The following NEBL variants were observed in gnomAD, a reference collection of about 807,000 sequenced individuals.
The protein encoded by NEBL is nebulette.
NEBL carries 122 observed loss-of-function variants against 140.2 expected under a neutral mutation model. The observed-to-expected ratio is 0.87, with a 90% CI of 0.75 to 1.01. The LOEUF is 1.01. NEBL is among the 50% of genes least tolerant of loss of function. The pLI is 0.00. For synonymous variants in NEBL, 436 were observed against 398.9 expected (o/e 1.09, Z -1.11); for missense variants, 1,365 against 1,231.3 (o/e 1.11, Z -1.62).
At chr10:21,277,842 C>T (rs948990837) in intron 1 of NEBL, among the ~76,000 whole-genome samples, 1 of 151,978 alleles carries the variant, frequency 6.6e-6, no homozygotes, top group Non-Finnish European at 1.5e-5. Context: ...TTTTAAGAGA[C>T]AAGGTGTCTT....
intron 3 of NEBL, among the ~76,000 whole-genome samples, chr10:21,018,917 A>T (rs1460395375): frequency 6.6e-6 from 1 of 152,150 alleles, no homozygotes; most frequent in African/African-American, 2.4e-5. Flanking sequence ...AATCCCAGCT[A>T]TTGGGGAGGC....
At chr10:21,052,157 C>T (rs901685835) in intron 2 of NEBL, among the ~76,000 whole-genome samples, 2 of 152,102 alleles carry the variant, frequency 1.3e-5, no homozygotes, top group African/African-American at 4.8e-5. Flanking sequence ...AGTGTTTGCG[C>T]TTTTTCCTTC....
At chr10:21,077,231 T>A (rs1236615512) in intron 2 of NEBL, among the ~76,000 whole-genome samples, 3 of 151,312 alleles carry the variant, frequency 2.0e-5, no homozygotes, top group East Asian at 3.9e-4. Flanking sequence ...TCAAAAAAAA[T>A]AAAAAATCAA....
At chr10:21,139,131 AC>A (rs559276097) in intron 2 of NEBL, among the ~76,000 whole-genome samples, 25 of 152,288 alleles carry the variant, frequency 1.6e-4, no homozygotes, top group Admixed American at 1.4e-3. Context: ...GTTAAGAGTC[AC>A]GGCTGGCCTA....
At chr10:21,124,654 A>G (rs1317385695) in intron 2 of NEBL, among the ~76,000 whole-genome samples, 1 of 152,246 alleles carries the variant, frequency 6.6e-6, no homozygotes, top group Non-Finnish European at 1.5e-5. Context: ...TAAATAGTCC[A>G]AAAGAAATAA....
At chr10:21,138,208 C>A (rs992205938) in intron 2 of NEBL, among the ~76,000 whole-genome samples, 3 of 152,154 alleles carry the variant, frequency 2.0e-5, no homozygotes, top group Admixed American at 1.3e-4. Context: ...ACTGTCCCAA[C>A]TCACCGTAAA....
intron 4 of NEBL, among the ~76,000 whole-genome samples, chr10:20,924,250 C>G (rs752239324): frequency 6.6e-6 from 1 of 151,598 alleles, no homozygotes; most frequent in Non-Finnish European, 1.5e-5. Context: ...ATACACAGCC[C>G]AAGATGTCAA....
chr10:21,126,114 C>T (rs1271335109), intron 2 of NEBL: 1 of 1,609,888 alleles, frequency 6.2e-7, no homozygotes, highest in Non-Finnish European at 8.5e-7. Flanking sequence ...TCCGTTCTGC[C>T]TTACCAGGCC....
chr10:21,113,310 G>T, intron 2 of NEBL: 1 of 169,230 alleles, frequency 5.9e-6, no homozygotes, highest in Non-Finnish European at 9.7e-6. Context: ...AAAAAAACCA[G>T]GAAAAAACTC....
In NEBL at chr10:21,128,196, A is replaced by G. The variant is rs987050764; in HGVS notation, c.164+44187T>C. On this transcript the variant is annotated intron_variant, in intron 2 of 6. Coordinates refer to the NEBL transcript ENST00000417816. Reference sequence around the variant, plus strand: ...TTAAAAAAGAGCAACACCAACCATCACTTGTTTTCTCTCTTCCCTCCATTA... The same window carrying G: ...TTAAAAAAGAGCAACACCAACCATCGCTTGTTTTCTCTCTTCCCTCCATTA... 9.2e-5 allele frequency among the ~76,000 whole-genome samples: 14 copies of G among 152,262 alleles called. No homozygotes were observed. The East Asian group carries it at 2.1e-3, about 23-fold the overall frequency.
chr10:20,858,467 C>A (rs773420168), intron 8 of NEBL, 123 bp from the exon 9 acceptor site: 1 of 807,386 alleles, frequency 1.2e-6, no homozygotes, highest in Admixed American at 2.0e-5. Flanking sequence ...GACGAATTTA[C>A]AAGGAGCCAC....
At chr10:20,887,747 C>A (rs1846656379) in intron 4 of NEBL, among the ~76,000 whole-genome samples, 1 of 152,104 alleles carries the variant, frequency 6.6e-6, no homozygotes, top group South Asian at 2.1e-4. Context: ...TTTTAACAAG[C>A]TATTCAAATA....
chr10:20,974,461 T>G (rs929456886), intron 3 of NEBL, among the ~76,000 whole-genome samples: 41 of 152,096 alleles, frequency 2.7e-4, no homozygotes, highest in African/African-American at 9.6e-4. Flanking sequence ...GCCATGCTGC[T>G]TCTCGAACTC....
Position 20,819,482 on chromosome 10 carries a change from G to A in NEBL, c.1997C>T (p.Pro666Leu), listed in dbSNP as rs771905060. ...QYKEQNYKAT[P>L]VSMTPEIERV... ...CTCTATCTCCGGGGTCATGCTTACC[G>A]GAGTGGCCTTGTAGTTTTGCTCTTT... Residue 666 changes from proline (P) to leucine (L), a missense_variant, in exon 20 of 28, where the codon CCG (proline) becomes CTG (leucine). Pro to Leu is a moderately conservative substitution (Grantham distance 98, BLOSUM62 -3). Around this residue, in one of 2 missense-constraint regions of NEBL, gnomAD observed 1,323 missense variants for 1,154.8 expected, o/e 1.15. Coordinates refer to ENST00000377122, the MANE Select transcript of NEBL (RefSeq NM_006393.3). 4.1e-5 allele frequency: 66 copies of A among 1,613,924 alleles called. No individual in the cohort carries two copies. The highest frequency in any genetic ancestry group is 1.6e-4 in the Middle Eastern group (1 of 6,084).
upstream of NEBL, chr10:20,899,275 A>G: frequency 2.0e-6 from 1 of 503,202 alleles, no homozygotes. Flanking sequence ...GAGTGTAGGG[A>G]GAAAATCTTG....
chr10:20,941,851 G>C (rs1022994741), intron 4 of NEBL, among the ~76,000 whole-genome samples: 3 of 151,894 alleles, frequency 2.0e-5, no homozygotes, highest in Non-Finnish European at 4.4e-5. Context: ...GCTTCAAAGA[G>C]AATAAAATAC....
At chr10:20,929,264 T>TAC (rs1486763493) in intron 4 of NEBL, among the ~76,000 whole-genome samples, 2 of 151,606 alleles carry the variant, frequency 1.3e-5, no homozygotes, top group Admixed American at 1.3e-4. Flanking sequence ...GATATAAATA[T>TAC]ATATATATAT....
rs147363334 is a variant in NEBL, at chr10:20,855,883, T to A, written c.903+2357A>T. Among the ~76,000 whole-genome samples the A allele has an allele frequency of 2.7e-3, 414 of 152,332 alleles. 4 individuals are homozygous for A. Among genetic ancestry groups the A allele is most frequent in the African/African-American group, 8.6e-3 (356 of 41,572 alleles). Reference sequence around the variant, plus strand: ...TGACAAATGGATAATTTTGGCAGAATATCTCTTATTGAGCAATCTTATTCA... The same window carrying A: ...TGACAAATGGATAATTTTGGCAGAAAATCTCTTATTGAGCAATCTTATTCA... On this transcript the variant is annotated intron_variant, in intron 9 of 27. Transcript: ENST00000377122.
intron 4 of NEBL, among the ~76,000 whole-genome samples, chr10:20,917,181 TAA>T (rs1833343434): frequency 1.3e-5 from 2 of 152,234 alleles, no homozygotes; most frequent in Non-Finnish European, 2.9e-5. Context: ...AATCAGCTTG[TAA>T]GTCCAAAGTC....
Sources: gnomAD v4.1 joint callset for allele counts (sites outside exome capture counted in the v4.1 genomes callset) on GRCh38, gnomAD v4.1.1 for gene constraint, gnomAD v4.1.1 regional missense constraint, MANE v1.5 for transcripts, NCBI Gene and HGNC (gene_info 2026-07-23, HGNC 2026-07-21) for gene names.